Variants in PLEKHA1 observed in about 807,000 individuals in gnomAD.
PLEKHA1 encodes the protein pleckstrin homology domain-containing family A member 1.
Under a neutral mutation model 52.0 loss-of-function variants are expected in PLEKHA1, and 34 were observed. That is an observed-to-expected ratio of 0.65 (90% CI 0.50 to 0.87). The LOEUF (loss-of-function observed/expected upper bound fraction) is 0.87. PLEKHA1 is among the 40% of genes least tolerant of loss of function. The pLI is 0.00. For missense variants in PLEKHA1, 497 were observed against 504.2 expected, an observed-to-expected ratio of 0.99 and a Z score of 0.14; for synonymous variants, 163 against 170.7, an observed-to-expected ratio of 0.95 and a Z score of 0.35.
chr10:122,394,640 A>G (rs554327049), intron 2 of PLEKHA1, among the ~76,000 whole-genome samples: 2 of 152,304 alleles, frequency 1.3e-5, no homozygotes, highest in African/African-American at 4.8e-5. Context: ...CTGATTTTAG[A>G]TTAGACAAGA....
intron 7 of PLEKHA1, chr10:122,417,192 A>G (rs964625392): frequency 3.9e-5 from 6 of 152,294 alleles, no homozygotes; most frequent in South Asian, 2.1e-4. Flanking sequence ...CTTTACTACT[A>G]TGTATAAAGT....
At chr10:122,436,536 G>A (rs2097438267), downstream of PLEKHA1, 1 of 152,224 alleles carries the variant, frequency 6.6e-6, no homozygotes, top group South Asian at 2.1e-4. Context: ...ATGTGGAGAA[G>A]CTTTGACCTG....
chr10:122,429,523 TG>T, intron 11 of PLEKHA1, 100 bp from the exon 12 acceptor site: 3 of 903,088 alleles, frequency 3.3e-6, no homozygotes, highest in Non-Finnish European at 5.1e-6. Flanking sequence ...TGTGTGTGTG[TG>T]TGTGTGTTTT....
chr10:122,422,322 GT>G (rs1278310419), intron 8 of PLEKHA1: 3 of 152,110 alleles, frequency 2.0e-5, no homozygotes, highest in Non-Finnish European at 4.4e-5. Flanking sequence ...ATTACTATAG[GT>G]TCCAGGTATC....
At chr10:122,416,036 A>C (rs1388664113) in intron 7 of PLEKHA1, 34 bp downstream of exon 7, 3 of 1,567,706 alleles carry the variant, frequency 1.9e-6, no homozygotes, top group Non-Finnish European at 2.6e-6. Context: ...GAAATAATGA[A>C]AAAGGATTAC....
At chr10:122,386,416 A>T (rs1211375983) in intron 1 of PLEKHA1, among the ~76,000 whole-genome samples, 1 of 151,034 alleles carries the variant, frequency 6.6e-6, no homozygotes. Flanking sequence ...TATATTGAAT[A>T]TTTTCTTCAT....
At chr10:122,435,854 G>A (rs1477065431), downstream of PLEKHA1, 13 of 149,360 alleles carry the variant, frequency 8.7e-5, no homozygotes, top group African/African-American at 3.0e-4. Flanking sequence ...AGGGGTTTGA[G>A]ATCAGCCTGG....
At chr10:122,390,442 G>A (rs2096760335) in intron 1 of PLEKHA1, among the ~76,000 whole-genome samples, 1 of 152,142 alleles carries the variant, frequency 6.6e-6, no homozygotes, top group African/African-American at 2.4e-5. Flanking sequence ...CTTTTGACAT[G>A]CTTCACTTAC....
intron 1 of PLEKHA1, among the ~76,000 whole-genome samples, chr10:122,376,699 TG>T (rs1289111017): frequency 6.6e-6 from 1 of 152,136 alleles, no homozygotes; most frequent in Non-Finnish European, 1.5e-5. Context: ...AAAGATGGTG[TG>T]TAAAATTGAG....
chr10:122,400,673 G>A (rs1422298635), intron 4 of PLEKHA1, among the ~76,000 whole-genome samples: 1 of 152,024 alleles, frequency 6.6e-6, no homozygotes, highest in African/African-American at 2.4e-5. Flanking sequence ...GAGATTTCAG[G>A]GAATTTTAAA....
rs1237296653 is a variant in PLEKHA1 at position 122,394,232 on chromosome 10, ACCTG to A, written c.141+892_141+895del. ...TGGGACTACAGGGGTGTGCCACCACACCTGGCTAATTTTTTGTATTTTTAGTAGA... is the reference window on the plus strand; with the variant it reads ...TGGGACTACAGGGGTGTGCCACCACAGCTAATTTTTTGTATTTTTAGTAGA... On this transcript the variant is annotated intron_variant, in intron 2 of 11. Coordinates refer to ENST00000368990, the MANE Select transcript of PLEKHA1 (RefSeq NM_001001974.4). Among the ~76,000 whole-genome samples the A allele has an allele frequency of 2.3e-4, 35 of 151,508 alleles. 1 individual carries two copies. In the East Asian group the frequency reaches 6.8e-3, roughly 29 times the overall value.
the PLEKHA1 span, chr10:122,438,959 C>T: frequency 6.6e-6 from 1 of 152,218 alleles, no homozygotes; most frequent in African/African-American, 2.4e-5. Flanking sequence ...TCCTGGGCCA[C>T]ATGCGGCCCG....
At position 122,431,207 on chromosome 10, in the gene PLEKHA1, A is replaced by C. The variant is rs2097413665; in HGVS notation, c.*1269A>C. On this transcript the variant is annotated 3_prime_UTR_variant, in exon 12 of 12. Transcript: ENST00000368990. Reference sequence around the variant, plus strand: ...GTGATCTCAGCTCACTACAGCCTCCACCTCGTGGGTTCAAACAGTTGTGCT... The same window carrying C: ...GTGATCTCAGCTCACTACAGCCTCCCCCTCGTGGGTTCAAACAGTTGTGCT... 6.6e-6 allele frequency: 1 copy of C among 151,604 alleles called. No homozygotes were observed. The highest frequency in any genetic ancestry group is 6.6e-5 in the Admixed American group (1 of 15,184). 9.4% of individuals were successfully genotyped at this position (151,604 alleles called of 1,614,324 possible). A position where few individuals can be genotyped will look rare whatever the true frequency, so the allele number is the denominator to read the frequency against.
intron 1 of PLEKHA1, among the ~76,000 whole-genome samples, chr10:122,375,440 T>C (rs1331754105): frequency 2.0e-5 from 3 of 152,168 alleles, no homozygotes; most frequent in Non-Finnish European, 4.4e-5. Flanking sequence ...AGAGGCAGCG[T>C]TGAAAGCGAC....
Position 122,406,670 on chromosome 10 carries a change from T to C in PLEKHA1, c.339T>C (p.Ile113=), listed in dbSNP as rs781692166. Residue 113 remains isoleucine (I), a synonymous_variant, in exon 5 of 12, where the codon ATT becomes ATC. Transcript: ENST00000368990. ...ATGTGTTAAACAAAGCTATAAAAAT[T>C]ACAGTAAGTATATGTATTTTTTTGA... ...WVNVLNKAIK[I]TVPKQSDSQP... The C allele has an allele frequency of 1.3e-6, 2 of 1,595,170 alleles. No homozygotes were observed. Among genetic ancestry groups the C allele is most frequent in the Non-Finnish European group, 1.7e-6 (2 of 1,163,840 alleles).
At chr10:122,394,166 C>G (rs1028403275) in intron 2 of PLEKHA1, among the ~76,000 whole-genome samples, 1 of 149,776 alleles carries the variant, frequency 6.7e-6, no homozygotes, top group Non-Finnish European at 1.5e-5. Context: ...CCTCTGCCTC[C>G]TGGGTTCAAG....
At chr10:122,412,762 A>G (rs2097125091) in intron 5 of PLEKHA1, 158 bp from the exon 6 acceptor site, 8 of 679,830 alleles carry the variant, frequency 1.2e-5, no homozygotes, top group Non-Finnish European at 1.9e-5. Context: ...TAACAGAAAA[A>G]TTAGTGTGAT....
rs945845379 is a variant in PLEKHA1 at position 122,393,924 on chromosome 10, A to G, written c.141+583A>G. On this transcript the variant is annotated intron_variant, in intron 2 of 11. Transcript: ENST00000368990. This position sits in a 1 kb window ranked among gnomAD's most constrained non-coding sequence, Gnocchi z 4.5. ...TGAGTCAGTCATTGTAATGCCATCC[A>G]TGAACTGAAATGCAGTTTGATTTTA... Among the ~76,000 whole-genome samples the G allele has an allele frequency of 1.2e-4, 19 of 152,196 alleles. No individual in the cohort carries two copies. The highest frequency in any genetic ancestry group is 7.9e-4 in the Admixed American group (12 of 15,278).
chr10:122,376,501 GATAT>G lies in PLEKHA1; in HGVS notation c.-21+1725_-21+1728del, dbSNP rs56781870. ...GCTGTGAATTTAGTGACATTAAGAAGATATATATATATATATATATATATATATA... is the reference window on the plus strand; with the variant it reads ...GCTGTGAATTTAGTGACATTAAGAAGATATATATATATATATATATATATA... On this transcript the variant is annotated intron_variant, in intron 1 of 11. Coordinates refer to ENST00000368990, the MANE Select transcript of PLEKHA1 (RefSeq NM_001001974.4). Among the ~76,000 whole-genome samples the G allele has an allele frequency of 3.5e-3, 518 of 146,806 alleles. 4 individuals carry two copies. Among genetic ancestry groups the G allele is most frequent in the African/African-American group, 8.6e-3 (348 of 40,518 alleles).
Sources: allele counts gnomAD v4.1 joint callset (sites outside exome capture counted in the v4.1 genomes callset), GRCh38; gene constraint gnomAD v4.1.1; non-coding constraint Gnocchi (gnomAD v3.1); transcripts MANE v1.5; gene names NCBI Gene and HGNC (gene_info 2026-07-23, HGNC 2026-07-21).